NCKAP5: variants seen among roughly 807,000 people sequenced by gnomAD.
NCKAP5 encodes the protein nck-associated protein 5.
In NCKAP5, 92 loss-of-function variants were observed where a neutral mutation model predicts 167.0. That is an observed-to-expected ratio of 0.55 (90% confidence interval 0.47 to 0.66). The LOEUF (loss-of-function observed/expected upper bound fraction) is 0.66. NCKAP5 is among the 30% of genes least tolerant of loss of function. The pLI is 0.00. For synonymous variants in NCKAP5, 891 were observed against 877.4 expected, an observed-to-expected ratio of 1.02 and a Z score of -0.27; for missense variants, 2,378 against 2,315.0, an observed-to-expected ratio of 1.03 and a Z score of -0.56.
chr2:133,008,289 A>G (rs543250831), intron 6 of NCKAP5, among the ~76,000 whole-genome samples: 2 of 152,196 alleles, frequency 1.3e-5, no homozygotes, highest in South Asian at 4.1e-4. Context: ...TGCCAAATTG[A>G]TCGCCAGCCT....
chr2:133,402,195 G>A (rs528815432), intron 3 of NCKAP5, among the ~76,000 whole-genome samples: 6 of 152,202 alleles, frequency 3.9e-5, no homozygotes, highest in South Asian at 4.1e-4. Flanking sequence ...AGAAGGACTC[G>A]GTGTATAGTT....
chr2:133,570,315 A>G (rs959582207), upstream of NCKAP5, among the ~76,000 whole-genome samples: 20 of 152,296 alleles, frequency 1.3e-4, no homozygotes, highest in East Asian at 1.9e-4. Context: ...GTTATTAGAA[A>G]TAATAATAAA....
intron 16 of NCKAP5, among the ~76,000 whole-genome samples, chr2:132,750,823 A>G (rs554766692): frequency 6.6e-6 from 1 of 152,352 alleles, no homozygotes. Flanking sequence ...AAGCTCAAGC[A>G]AGTCACAGGA....
chr2:133,250,305 C>T (rs967611411), intron 4 of NCKAP5, among the ~76,000 whole-genome samples: 25 of 152,104 alleles, frequency 1.6e-4, no homozygotes, highest in African/African-American at 5.6e-4. Context: ...GCAGGCAGAG[C>T]GGATGATCTG....
At chr2:133,596,360 C>T in the NCKAP5 span, 90 of 152,488 alleles carry the variant, frequency 5.9e-4, no homozygotes, top group African/African-American at 2.1e-3. Flanking sequence ...TTGGCCCAGA[C>T]CTTTGCTTGC....
At chr2:132,892,009 C>A (rs1278039619) in intron 8 of NCKAP5, among the ~76,000 whole-genome samples, 1 of 152,190 alleles carries the variant, frequency 6.6e-6, no homozygotes, top group Non-Finnish European at 1.5e-5. Context: ...TTCCTTCAGT[C>A]TTTTGTAAAA....
chr2:132,866,828 T>C (rs543427478), intron 10 of NCKAP5, among the ~76,000 whole-genome samples: 2 of 152,340 alleles, frequency 1.3e-5, no homozygotes, highest in East Asian at 1.9e-4. Context: ...CTTTTTGGAA[T>C]TATTTTTCTC....
chr2:133,259,717 A>G (rs1293017036), intron 4 of NCKAP5, among the ~76,000 whole-genome samples: 3 of 152,230 alleles, frequency 2.0e-5, no homozygotes, highest in Non-Finnish European at 4.4e-5. Context: ...AAGAGGATAT[A>G]TTCCCTAATC....
chr2:133,486,303 A>T (rs1233438314), intron 3 of NCKAP5, among the ~76,000 whole-genome samples: 1 of 152,210 alleles, frequency 6.6e-6, no homozygotes, highest in African/African-American at 2.4e-5. Context: ...TTAAAGAAGA[A>T]AGGTCTTAGG....
chr2:133,571,360 G>T (rs1008386811), upstream of NCKAP5, among the ~76,000 whole-genome samples: 1 of 152,000 alleles, frequency 6.6e-6, no homozygotes, highest in African/African-American at 2.4e-5. Context: ...AACAAAAGAG[G>T]GTGGGGGTAG....
chr2:133,355,202 A>C (rs1227389084), intron 3 of NCKAP5, among the ~76,000 whole-genome samples: 1 of 152,190 alleles, frequency 6.6e-6, no homozygotes, highest in Non-Finnish European at 1.5e-5. Context: ...AGCCTATCTT[A>C]AACTGTAGCC....
intron 5 of NCKAP5, among the ~76,000 whole-genome samples, chr2:133,171,794 G>A (rs988526418): frequency 2.0e-5 from 3 of 152,206 alleles, no homozygotes; most frequent in Admixed American, 1.3e-4. Context: ...CAACTGAGAT[G>A]CAGCAACAAG....
the NCKAP5 span, among the ~76,000 whole-genome samples, chr2:133,652,164 T>C: frequency 1.3e-5 from 2 of 152,206 alleles, no homozygotes; most frequent in Middle Eastern, 3.2e-3. Flanking sequence ...TATAGTCACA[T>C]ACTAAAATAC....
intron 6 of NCKAP5, among the ~76,000 whole-genome samples, chr2:133,036,852 C>T (rs1037625825): frequency 1.3e-5 from 2 of 151,912 alleles, no homozygotes; most frequent in African/African-American, 2.4e-5. Context: ...TAATGGGCAT[C>T]TAAACTGGAA....
At chr2:133,078,728 CT>C (rs1413693495) in intron 6 of NCKAP5, among the ~76,000 whole-genome samples, 1 of 152,096 alleles carries the variant, frequency 6.6e-6, no homozygotes, top group Non-Finnish European at 1.5e-5. Context: ...CTTAAACAGT[CT>C]TTTAGTATTT....
Position 132,869,069 on chromosome 2 carries a change from G to A in NCKAP5, c.649-95C>T. The A allele has an allele frequency of 1.0e-5, 8 of 793,988 alleles. No individual in the cohort carries two copies. In the South Asian group the frequency reaches 1.5e-4, roughly 15 times the overall value. The allele number at this position is 793,988 out of a possible 1,614,324, so 49.2% of individuals were successfully genotyped here. On this transcript the variant is annotated intron_variant, in intron 9 of 19. Coordinates refer to ENST00000409261, the MANE Select transcript of NCKAP5 (RefSeq NM_207363.3). Reference sequence around the variant, plus strand: ...AATAAGTTTCTCGCAGCTTATTGTAGCTAATTAGCTCCTCATTTGCCTCTT... The same window carrying A: ...AATAAGTTTCTCGCAGCTTATTGTAACTAATTAGCTCCTCATTTGCCTCTT...
At chr2:133,632,887 T>C in the NCKAP5 span, among the ~76,000 whole-genome samples, 1 of 152,110 alleles carries the variant, frequency 6.6e-6, no homozygotes, top group South Asian at 2.1e-4. Context: ...AACAAAGAAA[T>C]CATTTCACCC....
At chr2:133,077,558 AT>A (rs1339002749) in intron 6 of NCKAP5, among the ~76,000 whole-genome samples, 1 of 152,180 alleles carries the variant, frequency 6.6e-6, no homozygotes, top group East Asian at 1.9e-4. Flanking sequence ...TGCTTTTAGC[AT>A]TTTGTTTCCT....
intron 6 of NCKAP5, among the ~76,000 whole-genome samples, chr2:133,064,787 T>G (rs898783352): frequency 1.3e-5 from 2 of 152,194 alleles, no homozygotes; most frequent in African/African-American, 4.8e-5. Context: ...GACAGTTAAT[T>G]TGCCATCTAA....
Sources: gnomAD v4.1 joint callset for allele counts (sites outside exome capture counted in the v4.1 genomes callset) on GRCh38, gnomAD v4.1.1 for gene constraint, MANE v1.5 for transcripts, NCBI Gene and HGNC (gene_info 2026-07-23, HGNC 2026-07-21) for gene names.